CCDC7: variants seen among roughly 807,000 people sequenced by gnomAD.
The protein encoded by CCDC7 is coiled-coil domain-containing protein 7.
CCDC7 carries 183 observed loss-of-function variants against 196.9 expected under a neutral mutation model. That is an observed-to-expected ratio of 0.93 (90% CI 0.82 to 1.05). CCDC7 has a LOEUF of 1.05. Among genes scored for constraint, CCDC7 ranks in the 50% least tolerant of loss-of-function variants. The pLI, the probability that CCDC7 is intolerant of heterozygous loss-of-function variation, is 0.00. For missense variants in CCDC7, 1,540 were observed against 1,482.2 expected, an observed-to-expected ratio of 1.04 and a Z score of -0.64; for synonymous variants, 525 against 484.6, an observed-to-expected ratio of 1.08 and a Z score of -1.10.
chr10:32,624,041 C>A (rs1008440726), intron 18 of CCDC7, among the ~76,000 whole-genome samples: 14 of 152,166 alleles, frequency 9.2e-5, no homozygotes, highest in African/African-American at 3.4e-4. Flanking sequence ...CAAACCATAT[C>A]AGTTATTCAG....
intron 11 of CCDC7, among the ~76,000 whole-genome samples, chr10:32,541,049 G>GT (rs111604303): frequency 0.48 from 70,970 of 147,390 alleles, 17,573 homozygotes; most frequent in East Asian, 0.91. Flanking sequence ...AAATTTCTGA[G>GT]TTTTTTTTTT....
chr10:32,663,882 C>G (rs1297003260), intron 20 of CCDC7, among the ~76,000 whole-genome samples, 172 bp from the exon 22 acceptor site: 1 of 151,806 alleles, frequency 6.6e-6, no homozygotes, highest in Non-Finnish European at 1.5e-5. Flanking sequence ...ACCTCAGATC[C>G]TTTAAAGTTC....
chr10:32,733,458 C>A (rs2084329120), intron 28 of CCDC7, among the ~76,000 whole-genome samples: 1 of 152,056 alleles, frequency 6.6e-6, no homozygotes, highest in East Asian at 1.9e-4. Flanking sequence ...AAAAGCAAAT[C>A]TCCAGCTAAG....
chr10:32,774,688 A>G (rs1195481950), intron 28 of CCDC7, among the ~76,000 whole-genome samples: 1 of 152,084 alleles, frequency 6.6e-6, no homozygotes, highest in Non-Finnish European at 1.5e-5. Flanking sequence ...CTAGTCTGCC[A>G]TCTTGCTTAC....
chr10:32,604,031 T>C (rs1213860556), intron 18 of CCDC7, among the ~76,000 whole-genome samples: 2 of 152,216 alleles, frequency 1.3e-5, no homozygotes, highest in African/African-American at 4.8e-5. Context: ...GCTAGACCAA[T>C]GTCCTAGAGC....
chr10:32,576,302 TAA>T (rs61171117), intron 16 of CCDC7, among the ~76,000 whole-genome samples: 21,272 of 144,168 alleles, frequency 0.15, 1,700 homozygotes, highest in East Asian at 0.26. Flanking sequence ...CAAAGGGGGT[TAA>T]AAAAAAAAAA....
intron 23 of CCDC7, among the ~76,000 whole-genome samples, chr10:32,691,494 C>T (rs2077074823): frequency 6.6e-6 from 1 of 152,116 alleles, no homozygotes; most frequent in African/African-American, 2.4e-5. Context: ...GATGCTTTTT[C>T]TATGCCCAGA....
intron 21 of CCDC7, among the ~76,000 whole-genome samples, chr10:32,681,552 T>C (rs1428762649): frequency 6.6e-6 from 1 of 151,310 alleles, no homozygotes; most frequent in Non-Finnish European, 1.5e-5. Context: ...GGGAGAGGAG[T>C]TGATTCAAGA....
At chr10:32,574,886 T>C (rs2058015934) in intron 16 of CCDC7, among the ~76,000 whole-genome samples, 1 of 152,178 alleles carries the variant, frequency 6.6e-6, no homozygotes, top group Non-Finnish European at 1.5e-5. Context: ...ATAGATTAGA[T>C]GATTAGCTGT....
intron 32 of CCDC7, among the ~76,000 whole-genome samples, chr10:32,831,387 TG>T (rs1175857534): frequency 6.6e-6 from 1 of 152,224 alleles, no homozygotes; most frequent in Non-Finnish European, 1.5e-5. Flanking sequence ...AAACACTGTA[TG>T]TACACTTAGG....
chr10:32,849,317 C>A (rs1047518525), intron 39 of CCDC7, among the ~76,000 whole-genome samples: 2 of 152,070 alleles, frequency 1.3e-5, no homozygotes, highest in African/African-American at 4.8e-5. Flanking sequence ...ATTATCAATT[C>A]ACCCATATGT....
intron 24 of CCDC7, among the ~76,000 whole-genome samples, chr10:32,703,763 T>A (rs2079178535): frequency 6.6e-6 from 1 of 152,120 alleles, no homozygotes; most frequent in Non-Finnish European, 1.5e-5. Context: ...ATTTCATTCA[T>A]TTGATCTTCC....
At chr10:32,757,484 A>T (rs558484523) in intron 28 of CCDC7, among the ~76,000 whole-genome samples, 1 of 152,348 alleles carries the variant, frequency 6.6e-6, no homozygotes, top group Admixed American at 6.5e-5. Flanking sequence ...AGGCTAAACA[A>T]TCTGCTTCTG....
intron 24 of CCDC7, among the ~76,000 whole-genome samples, chr10:32,699,057 C>CT (rs200445589): frequency 0.09 from 13,687 of 151,414 alleles, 872 homozygotes; most frequent in East Asian, 0.33. Context: ...ATTAAACATT[C>CT]TTTTTTTTTA....
chr10:32,593,987 C>T (rs2060045198), intron 18 of CCDC7, among the ~76,000 whole-genome samples: 1 of 152,122 alleles, frequency 6.6e-6, no homozygotes, highest in Admixed American at 6.6e-5. Context: ...TAGCATGATG[C>T]CTCCAGCTTT....
intron 28 of CCDC7, among the ~76,000 whole-genome samples, chr10:32,770,898 T>A (rs2079065058): frequency 1.3e-5 from 2 of 152,196 alleles, no homozygotes; most frequent in Non-Finnish European, 2.9e-5. Flanking sequence ...GATACAAGAA[T>A]AGCTACTCTT....
chr10:32,709,047 C>G (rs1482700035), intron 24 of CCDC7, among the ~76,000 whole-genome samples: 1 of 152,118 alleles, frequency 6.6e-6, no homozygotes, highest in Non-Finnish European at 1.5e-5. Flanking sequence ...GCATTATTCA[C>G]AGTAGCAAAG....
At chr10:32,589,809 CTT>C (rs1433170073) in intron 18 of CCDC7, among the ~76,000 whole-genome samples, 2 of 152,034 alleles carry the variant, frequency 1.3e-5, no homozygotes, top group Admixed American at 1.3e-4. Context: ...TAATGCTCCT[CTT>C]TGTCTCTTCT....
At chr10:32,714,203 G>A (rs916945912) in intron 25 of CCDC7, among the ~76,000 whole-genome samples, 2 of 152,178 alleles carry the variant, frequency 1.3e-5, no homozygotes, top group Admixed American at 6.5e-5. Context: ...GAGGTACTCG[G>A]TTCGTCTCAT....
Sources: gnomAD v4.1 joint callset for allele counts (sites outside exome capture counted in the v4.1 genomes callset) on GRCh38, gnomAD v4.1.1 for gene constraint, MANE v1.5 for transcripts, NCBI Gene and HGNC (gene_info 2026-07-23, HGNC 2026-07-21) for gene names.